The following EXOG variants were observed in gnomAD, a reference collection of about 807,000 sequenced individuals.
EXOG encodes exo/endonuclease G.
In EXOG, 27 loss-of-function variants were observed where a neutral mutation model predicts 25.8. That is an observed-to-expected ratio of 1.05 (90% CI 0.77 to 1.45). EXOG has a LOEUF of 1.45. EXOG is among the 40% of genes most tolerant of loss of function. The pLI, the probability that EXOG is intolerant of heterozygous loss-of-function variation, is 0.00. For synonymous variants in EXOG, 133 were observed against 167.0 expected, an observed-to-expected ratio of 0.80 and a Z score of 1.57; for missense variants, 458 against 450.5, an observed-to-expected ratio of 1.02 and a Z score of -0.15.
rs747654799 is a variant in EXOG at position 38,496,361 on chromosome 3, G to C, written c.-7G>C. 6.2e-7 allele frequency: 1 copy of C among 1,611,326 alleles called. No homozygotes were observed. Among genetic ancestry groups the C allele is most frequent in the South Asian group, 1.1e-5 (1 of 90,814 alleles). ...CGCCGTGGTAAAAGGCCGGTACCTC[G>C]GGCAAGATGGCTATCAAGAGTATCG... On this transcript the variant is annotated 5_prime_UTR_variant, in exon 1 of 6. Coordinates refer to ENST00000287675, the MANE Select transcript of EXOG (RefSeq NM_005107.4).
chr3:38,499,327 G>A (rs1013447162), intron 2 of EXOG, among the ~76,000 whole-genome samples: 3 of 152,194 alleles, frequency 2.0e-5, no homozygotes, highest in Non-Finnish European at 4.4e-5. Context: ...ACAGCAACCA[G>A]CAGAATAACA....
intron 1 of EXOG, chr3:38,496,855 A>G (rs1034045930): frequency 1.9e-5 from 25 of 1,306,528 alleles, no homozygotes; most frequent in African/African-American, 7.5e-5. Flanking sequence ...TGTTAGCTCC[A>G]TAAGACTTGA....
rs930566500 is a variant in EXOG at position 38,524,933 on chromosome 3, A to G, written c.*571A>G. The G allele has an allele frequency of 1.6e-5, 16 of 985,468 alleles. No homozygotes were observed. In the African/African-American group the frequency reaches 2.3e-4, roughly 14 times the overall value. 61.0% of individuals were successfully genotyped at this position (985,468 alleles called of 1,614,324 possible). ...CAGCCTTCTCAGAACTCAATGTTGTACATTTTTCCCTCTAGGACCTGAATT... is the reference window on the plus strand; with the variant it reads ...CAGCCTTCTCAGAACTCAATGTTGTGCATTTTTCCCTCTAGGACCTGAATT... On this transcript the variant is annotated 3_prime_UTR_variant, in exon 6 of 6. Transcript: ENST00000287675.
chr3:38,504,440 T>C (rs145224806), intron 4 of EXOG, among the ~76,000 whole-genome samples: 2 of 152,158 alleles, frequency 1.3e-5, no homozygotes, highest in African/African-American at 4.8e-5. Flanking sequence ...TTTTTGTTTG[T>C]TTTTTGTTTT....
chr3:38,500,790 T>G (rs895962753), intron 2 of EXOG, among the ~76,000 whole-genome samples: 2 of 152,194 alleles, frequency 1.3e-5, no homozygotes, highest in African/African-American at 4.8e-5. Context: ...TACCCAGATA[T>G]TCTGTTTTAG....
At chr3:38,507,066 AT>A in intron 5 of EXOG, 98 bp downstream of exon 5, 1 of 549,960 alleles carries the variant, frequency 1.8e-6, no homozygotes, top group East Asian at 3.4e-5. Flanking sequence ...TTCAAAAAAA[AT>A]TTTGCATTCT....
In EXOG at chr3:38,524,772, C is replaced by A. The variant is rs1022960734; in HGVS notation, c.*410C>A. The stretch of plus-strand genomic sequence containing the variant: ...AGCTTTGACACCTGCAGATGGAGGG[C>A]TGATCTTGTGTCAAGTTAACAGGAA... On this transcript the variant is annotated 3_prime_UTR_variant, in exon 6 of 6. Coordinates refer to ENST00000287675, the MANE Select transcript of EXOG (RefSeq NM_005107.4). 1.6e-5 allele frequency: 16 copies of A among 990,020 alleles called. No homozygotes were observed. The African/African-American group carries it at 2.3e-4, about 14-fold the overall frequency. The allele number at this position is 990,020 out of a possible 1,614,324, so 61.3% of individuals were successfully genotyped here.
intron 3 of EXOG, among the ~76,000 whole-genome samples, chr3:38,503,320 T>G (rs970993833): frequency 4.6e-5 from 7 of 152,224 alleles, no homozygotes; most frequent in Non-Finnish European, 1.0e-4. Flanking sequence ...AAAACCAGAA[T>G]TTGCCCTTAA....
rs539584035 is a variant in EXOG at position 38,525,866 on chromosome 3, C to A, written c.*1504C>A. The A allele has an allele frequency of 3.7e-6, 2 of 545,864 alleles. No individual in the cohort carries two copies. Among genetic ancestry groups the A allele is most frequent in the Non-Finnish European group, 4.7e-6 (2 of 428,562 alleles). 33.8% of individuals were successfully genotyped at this position (545,864 alleles called of 1,614,324 possible). On this transcript the variant is annotated 3_prime_UTR_variant, in exon 6 of 6. Transcript: ENST00000287675. ...GGCTGAAATGGGAGGATTGCTTGAG[C>A]CTGGCAGGTCAAGGCTGCGATGGGA... is the stretch of plus-strand genomic sequence containing the variant.
chr3:38,506,247 T>G (rs1424239540), intron 4 of EXOG, among the ~76,000 whole-genome samples: 1 of 152,192 alleles, frequency 6.6e-6, no homozygotes, highest in Non-Finnish European at 1.5e-5. Context: ...AATCCCAGCA[T>G]TATAAAGATT....
intron 5 of EXOG, among the ~76,000 whole-genome samples, chr3:38,522,537 T>G (rs2060749997): frequency 6.6e-6 from 1 of 152,226 alleles, no homozygotes; most frequent in African/African-American, 2.4e-5. Flanking sequence ...GGAGTTTCGC[T>G]CTTGTTGCCC....
At chr3:38,502,461 A>G (rs896283325) in intron 3 of EXOG, among the ~76,000 whole-genome samples, 1 of 152,204 alleles carries the variant, frequency 6.6e-6, no homozygotes, top group Admixed American at 6.5e-5. Flanking sequence ...TAGTACAACA[A>G]ACATTGATAC....
chr3:38,515,866 T>C (rs1290663901), intron 5 of EXOG: 1 of 152,336 alleles, frequency 6.6e-6, no homozygotes, highest in Non-Finnish European at 1.5e-5. Context: ...TTTTAGAGAG[T>C]ATTTTTCTAG....
At chr3:38,513,898 G>A (rs1486832491) in intron 5 of EXOG, 1 of 152,244 alleles carries the variant, frequency 6.6e-6, no homozygotes, top group Non-Finnish European at 1.5e-5. Flanking sequence ...GAAATATAAA[G>A]CACGGTAGAG....
At chr3:38,519,069 A>G (rs776268117) in intron 5 of EXOG, among the ~76,000 whole-genome samples, 4 of 152,346 alleles carry the variant, frequency 2.6e-5, no homozygotes, top group South Asian at 2.1e-4. Flanking sequence ...CTAGCATGCA[A>G]AAATAACAGA....
In EXOG at chr3:38,525,514, C is replaced by T. The variant is rs79489990; in HGVS notation, c.*1152C>T. 1,867 of 985,362 alleles carry T rather than the reference C, an allele frequency of 1.9e-3. 20 individuals are homozygous for T. In the African/African-American group the frequency reaches 0.028, roughly 15 times the overall value. 61.0% of individuals were successfully genotyped at this position (985,362 alleles called of 1,614,324 possible). A position where few individuals can be genotyped will look rare whatever the true frequency, so the allele number is the denominator to read the frequency against. On this transcript the variant is annotated 3_prime_UTR_variant, in exon 6 of 6. Transcript: ENST00000287675. ...CAGTCAGGAATATTTGGGAATTAGA[C>T]GGCAATACTTTGTGGGGTTTATTAG...
chr3:38,518,715 G>A (rs1301403057), intron 5 of EXOG, among the ~76,000 whole-genome samples: 1 of 152,158 alleles, frequency 6.6e-6, no homozygotes, highest in African/African-American at 2.4e-5. Flanking sequence ...AAATGAACTG[G>A]CATTTCTTGA....
At chr3:38,496,804 C>T (rs1210896723) in intron 1 of EXOG, 2 of 1,441,548 alleles carry the variant, frequency 1.4e-6, no homozygotes, top group East Asian at 3.1e-5. Context: ...AGTTACTCAT[C>T]GCGATATCTA....
chr3:38,519,768 G>T (rs1487439604), intron 5 of EXOG, among the ~76,000 whole-genome samples: 9 of 152,238 alleles, frequency 5.9e-5, no homozygotes, highest in Middle Eastern at 3.2e-3. Context: ...AGTGTGAGAA[G>T]TACCGTCTTC....
Sources: allele counts gnomAD v4.1 joint callset (sites outside exome capture counted in the v4.1 genomes callset), GRCh38; gene constraint gnomAD v4.1.1; transcripts MANE v1.5; gene names NCBI Gene and HGNC (gene_info 2026-07-23, HGNC 2026-07-21).